SPICE1: variants seen among roughly 807,000 people sequenced by gnomAD.
SPICE1 encodes spindle and centriole associated protein 1.
A neutral mutation model predicts 102.7 loss-of-function variants in SPICE1; 75 were observed. The ratio of observed to expected loss-of-function variants is 0.73; its 90% CI spans 0.61 to 0.88. SPICE1 has a LOEUF of 0.88. Among genes scored for constraint, SPICE1 ranks in the 40% least tolerant of loss-of-function variants. The pLI, the probability that SPICE1 is intolerant of heterozygous loss-of-function variation, is 0.00. For synonymous variants in SPICE1, 308 were observed against 350.3 expected (o/e 0.88, Z 1.35); for missense variants, 979 against 1,020.1 (o/e 0.96, Z 0.55).
chr3:113,480,414 A>G (rs1351075301), intron 7 of SPICE1, among the ~76,000 whole-genome samples: 17 of 152,164 alleles, frequency 1.1e-4, no homozygotes, highest in Non-Finnish European at 1.5e-5. Flanking sequence ...ACACAAAAAA[A>G]CTACAGAGAA....
chr3:113,481,390 A>G (rs980228169), intron 7 of SPICE1, among the ~76,000 whole-genome samples: 1 of 151,590 alleles, frequency 6.6e-6, no homozygotes, highest in Non-Finnish European at 1.5e-5. Context: ...GTTGAAAAAC[A>G]GAAAAGTAGA....
In SPICE1 at chr3:113,448,063, G is replaced by A. The variant is rs200377038; in HGVS notation, c.2401C>T (p.Pro801Ser). ...CTTCTTGTATTTATCCCGCTGACGGGAGAGACAGTACTACATTTTGAGCTT... is the reference window on the plus strand; with the variant it reads ...CTTCTTGTATTTATCCCGCTGACGGAAGAGACAGTACTACATTTTGAGCTT... ...PESSKCSTVS[P>S]VSGINTRRSS... Residue 801 changes from proline (P) to serine (S), a missense_variant, in exon 16 of 18, where the codon CCC becomes TCC. Pro to Ser is a moderately conservative substitution (Grantham distance 74, BLOSUM62 -1). Coordinates refer to ENST00000295872, the MANE Select transcript of SPICE1 (RefSeq NM_144718.4). 11 of 1,610,176 alleles carry A rather than the reference G, an allele frequency of 6.8e-6. No individual in the cohort carries two copies. Among genetic ancestry groups the A allele is most frequent in the East Asian group, 2.2e-5 (1 of 44,806 alleles).
Position 113,453,717 on chromosome 3 carries a change from A to T in SPICE1, c.1891T>A (p.Ser631Thr), listed in dbSNP as rs373757566. 1 of 1,614,004 alleles carries T rather than the reference A, an allele frequency of 6.2e-7. No individual in the cohort carries two copies. Among genetic ancestry groups the T allele is most frequent in the Non-Finnish European group, 8.5e-7 (1 of 1,180,000 alleles). ...FVNLSQPLCN[S>T]HSNTQQSRSP... ...CTTGACTGTTGAGTGTTGGAATGGG[A>T]ATTGCAGAGGGGCTGTGAGAGGTTA... Residue 631 changes from serine to threonine, a missense_variant, in exon 14 of 18, where the codon TCC (serine) becomes ACC (threonine). By Grantham distance (58) the Ser-to-Thr change is moderately conservative. Coordinates refer to ENST00000295872, the MANE Select transcript of SPICE1 (RefSeq NM_144718.4).
At chr3:113,479,545 C>T (rs1046955940) in intron 7 of SPICE1, among the ~76,000 whole-genome samples, 5 of 151,928 alleles carry the variant, frequency 3.3e-5, no homozygotes, top group Admixed American at 6.6e-5. Flanking sequence ...CCTGAGGAAT[C>T]GCCACACTGA....
At chr3:113,495,993 C>G (rs914589340) in intron 4 of SPICE1, among the ~76,000 whole-genome samples, 13 of 150,110 alleles carry the variant, frequency 8.7e-5, no homozygotes, top group Non-Finnish European at 1.8e-4. Context: ...CTCAGGATGG[C>G]TTTGAATGTG....
At chr3:113,477,776 G>A (rs1475069312) in intron 7 of SPICE1, among the ~76,000 whole-genome samples, 3 of 143,668 alleles carry the variant, frequency 2.1e-5, no homozygotes, top group Non-Finnish European at 3.0e-5. Flanking sequence ...TCACACTCTG[G>A]GAACTGTTGT....
chr3:113,485,283 T>A, intron 7 of SPICE1, among the ~76,000 whole-genome samples: 1 of 151,650 alleles, frequency 6.6e-6, no homozygotes, highest in Non-Finnish European at 1.5e-5. Flanking sequence ...GTGGTCTGGC[T>A]CAGCGGGTCC....
In SPICE1 at chr3:113,457,338, G is replaced by A. The variant is rs1405887553; in HGVS notation, c.1455C>T (p.Ala485=). 2 of 1,614,138 alleles carry A rather than the reference G, an allele frequency of 1.2e-6. No individual in the cohort carries two copies. The highest frequency in any genetic ancestry group is 2.2e-5 in the South Asian group (2 of 91,084). The change falls in exon 13 of 18, where the codon GCC becomes GCT. Residue 485 remains alanine (A), a synonymous_variant. Transcript: ENST00000295872. ...TGAACATCAATGGCACTGAGACATT[G>A]GCATTTACAACTGGACGCTCTGAAG... The part of the protein sequence containing the change: ...MDSPERPVVN[A]NVSVPLMFRE...
At position 113,445,345 on chromosome 3, in the gene SPICE1, C is replaced by T; in HGVS notation, c.2530G>A (p.Glu844Lys). The T allele has an allele frequency of 6.2e-7, 1 of 1,612,702 alleles. No individual in the cohort carries two copies. Among genetic ancestry groups the T allele is most frequent in the South Asian group, 1.1e-5 (1 of 90,878 alleles). ...GTAGAAAGAGCAAACCAGCCTTCTT[C>T]ATTCTGTTTCTCAATCTGTTGAACA... Reference protein sequence around the residue: ...NPRAKIEKQNEEGWFALSTHV... With the variant: ...NPRAKIEKQNKEGWFALSTHV... The change falls in exon 18 of 18, where the codon GAA (glutamate) becomes AAA (lysine). Residue 844 changes from glutamate to lysine, a missense_variant. Glu to Lys is a moderately conservative substitution (Grantham distance 56). Transcript: ENST00000295872.
intron 12 of SPICE1, chr3:113,460,346 A>G (rs974762330): frequency 8.8e-6 from 8 of 904,220 alleles, no homozygotes; most frequent in African/African-American, 1.8e-5. Flanking sequence ...GTTTCCTCTA[A>G]GGATAACACC....
intron 1 of SPICE1, among the ~76,000 whole-genome samples, chr3:113,510,122 A>G (rs920345682): frequency 6.6e-6 from 1 of 152,062 alleles, no homozygotes; most frequent in Non-Finnish European, 1.5e-5. Context: ...GTCAGTGACA[A>G]CAATTAACCC....
chr3:113,484,449 T>C (rs901348759), intron 7 of SPICE1, among the ~76,000 whole-genome samples: 2 of 152,194 alleles, frequency 1.3e-5, no homozygotes, highest in African/African-American at 4.8e-5. Flanking sequence ...CTTGCTTCTC[T>C]AGTTCTTTTA....
chr3:113,498,555 C>G (rs1312576545), intron 4 of SPICE1, among the ~76,000 whole-genome samples: 1 of 152,214 alleles, frequency 6.6e-6, no homozygotes, highest in Non-Finnish European at 1.5e-5. Flanking sequence ...GAAGCATTCT[C>G]TCAATCAAGC....
chr3:113,482,268 T>C (rs1936528777), intron 7 of SPICE1, among the ~76,000 whole-genome samples: 2 of 152,226 alleles, frequency 1.3e-5, no homozygotes, highest in South Asian at 2.1e-4. Flanking sequence ...TGTTTTTTTC[T>C]TGTAAATTTG....
At position 113,468,130 on chromosome 3, in the gene SPICE1, T is replaced by C. The variant is rs762351752; in HGVS notation, c.1155+9A>G. ...TGAAAAGAAGACTCTACTAACCTAA[T>C]GTCCTTACCTCTTTAAGGTACCGAA... On this transcript the variant is annotated intron_variant, in intron 10 of 17. Coordinates refer to ENST00000295872, the MANE Select transcript of SPICE1 (RefSeq NM_144718.4). 3 of 1,612,876 alleles carry C rather than the reference T, an allele frequency of 1.9e-6. No homozygotes were observed. Among genetic ancestry groups the C allele is most frequent in the Non-Finnish European group, 2.5e-6 (3 of 1,179,256 alleles).
chr3:113,482,259 G>C (rs1377722054), intron 7 of SPICE1, among the ~76,000 whole-genome samples: 1 of 151,182 alleles, frequency 6.6e-6, no homozygotes, highest in Non-Finnish European at 1.5e-5. Flanking sequence ...TGATGGGGTT[G>C]TTTTTTTCTT....
chr3:113,452,957 A>C (rs1266107482), intron 14 of SPICE1, among the ~76,000 whole-genome samples: 1 of 152,098 alleles, frequency 6.6e-6, no homozygotes, highest in African/African-American at 2.4e-5. Context: ...CAGCTTGGGC[A>C]ACAGAGCAAG....
intron 2 of SPICE1, 33 bp downstream of exon 2, chr3:113,506,474 T>C (rs887324178): frequency 6.6e-7 from 1 of 1,517,830 alleles, no homozygotes. Context: ...TCCAGAGTAA[T>C]GTTACATTAT....
chr3:113,453,489 C>G lies in SPICE1; in HGVS notation c.2119G>C (p.Glu707Gln). 1.1e-5 allele frequency: 18 copies of G among 1,609,290 alleles called. No homozygotes were observed. The highest frequency in any genetic ancestry group is 1.5e-5 in the Non-Finnish European group (18 of 1,176,638). The change falls in exon 14 of 18, where the codon GAA becomes CAA. Residue 707 changes from glutamate to glutamine, a missense_variant. Transcript: ENST00000295872. The stretch of plus-strand genomic sequence containing the variant: ...ACAGAAGTCATGTCACTTGCACTTT[C>G]TTGTTTGTTCAACTCCCGGAGTCCA... ...GDGLRELNKQ[E>Q]SASDMTSTFP...
Sources: allele counts gnomAD v4.1 joint callset (sites outside exome capture counted in the v4.1 genomes callset), GRCh38; gene constraint gnomAD v4.1.1; transcripts MANE v1.5; gene names NCBI Gene and HGNC (gene_info 2026-07-23, HGNC 2026-07-21).